Variants in TFAP4 observed in about 807,000 individuals in gnomAD.
TFAP4 encodes transcription factor AP-4, also known as activating enhancer-binding protein 4.
In TFAP4, 7 loss-of-function variants were observed where a neutral mutation model predicts 40.4. The ratio of observed to expected loss-of-function variants is 0.17; its 90% confidence interval spans 0.10 to 0.33. The LOEUF is 0.33. Among genes scored for constraint, TFAP4 ranks in the 10% least tolerant of loss-of-function variants. The pLI, the probability that TFAP4 is intolerant of heterozygous loss-of-function variation, is 1.00. For synonymous variants in TFAP4, 218 were observed against 181.4 expected (o/e 1.20, Z -1.62); for missense variants, 374 against 451.1 (o/e 0.83, Z 1.55).
rs530080750 is a variant in TFAP4 at position 4,272,474 on chromosome 16, T to C, written c.89+184A>G. Among the ~76,000 whole-genome samples the C allele has an allele frequency of 7.1e-4, 108 of 151,658 alleles. No individual in the cohort carries two copies. The East Asian group carries it at 0.019, about 27-fold the overall frequency. ...CCGGGGCCGCTTGGGGCCCCCATGC[T>C]CCAAGGAAGGAGGGTCCCGGGGCGG... On this transcript the variant is annotated intron_variant, in intron 1 of 6. Transcript: ENST00000204517.
chr16:4,272,004 C>T (rs1385445029), intron 1 of TFAP4, among the ~76,000 whole-genome samples: 2 of 151,708 alleles, frequency 1.3e-5, no homozygotes, highest in Non-Finnish European at 2.9e-5. Context: ...AAACAGCGCC[C>T]GGGCGCGGGC....
chr16:4,268,025 A>T (rs2053011353), intron 1 of TFAP4: 1 of 152,352 alleles, frequency 6.6e-6, no homozygotes, highest in African/African-American at 2.4e-5. Context: ...GCTCAAGTGA[A>T]AAAGTCCAGC....
intron 4 of TFAP4, 129 bp downstream of exon 4, chr16:4,261,650 C>T: frequency 8.8e-7 from 1 of 1,139,248 alleles, no homozygotes; most frequent in South Asian, 1.7e-5. Flanking sequence ...CTCCCCACTC[C>T]TAGGCCTGGC....
intron 1 of TFAP4, 47 bp from the exon 2 acceptor site, chr16:4,262,748 C>T (rs779049926): frequency 6.3e-7 from 1 of 1,587,470 alleles, no homozygotes; most frequent in South Asian, 1.1e-5. Context: ...CCCTCTTCAT[C>T]ATTCATCTCC....
chr16:4,258,730 C>A (rs530008391), intron 6 of TFAP4: 1 of 153,334 alleles, frequency 6.5e-6, no homozygotes, highest in South Asian at 2.1e-4. Context: ...AACAAACTTT[C>A]AAAACCCCTC....
intron 4 of TFAP4, 64 bp downstream of exon 4, chr16:4,261,715 G>A (rs2052949944): frequency 1.4e-6 from 2 of 1,473,240 alleles, no homozygotes; most frequent in African/African-American, 2.8e-5. Context: ...AGAGCAAGAG[G>A]CGCGACCCCA....
intron 1 of TFAP4, chr16:4,264,892 A>T (rs2052978868): frequency 6.6e-6 from 1 of 152,110 alleles, no homozygotes; most frequent in Non-Finnish European, 1.5e-5. Context: ...GGTAAGTGCA[A>T]TCTTGAGGCA....
intron 1 of TFAP4, among the ~76,000 whole-genome samples, chr16:4,268,652 C>A (rs528844717): frequency 6.6e-6 from 1 of 152,114 alleles, no homozygotes; most frequent in Non-Finnish European, 1.5e-5. Flanking sequence ...AGTGCAATGG[C>A]ATGATCTCGG....
rs60856578 is a variant in TFAP4, at chr16:4,269,492, CAAAAAAA to C, written c.89+3159_89+3165del. On this transcript the variant is annotated intron_variant, in intron 1 of 6. Coordinates refer to ENST00000204517, the MANE Select transcript of TFAP4 (RefSeq NM_003223.3). Reference sequence around the variant, plus strand: ...TGGGCGACAGAGCGAGACTCTGCCTCAAAAAAAAAAAAAAAAAAAAAAAGATACAGAT... The same window carrying C: ...TGGGCGACAGAGCGAGACTCTGCCTCAAAAAAAAAAAAAAAAGATACAGAT... 8.0e-3 allele frequency among the ~76,000 whole-genome samples: 344 copies of C among 43,222 alleles called. 2 individuals are homozygous for C. The highest frequency in any genetic ancestry group is 0.017 in the Admixed American group (55 of 3,286). The allele number at this position is 43,222 out of a possible 152,430, so 28.4% of individuals were successfully genotyped here. A position where few individuals can be genotyped will look rare whatever the true frequency, so the allele number is the denominator to read the frequency against.
chr16:4,257,462 G>A lies in TFAP4; in HGVS notation c.*593C>T, dbSNP rs2052904024. On this transcript the variant is annotated 3_prime_UTR_variant, in exon 7 of 7. Coordinates refer to ENST00000204517, the MANE Select transcript of TFAP4 (RefSeq NM_003223.3). ...GATGAGACCTGGAGGCAGAGGTGGG[G>A]GCTGGGGGGTGGGAGAGTGGCGAAT... 6.7e-6 allele frequency: 1 copy of A among 150,104 alleles called. No homozygotes were observed. The highest frequency in any genetic ancestry group is 2.5e-5 in the African/African-American group (1 of 40,520). 9.3% of individuals were successfully genotyped at this position (150,104 alleles called of 1,614,324 possible).
In TFAP4 at chr16:4,258,235, G is replaced by T; in HGVS notation, c.837C>A (p.Ile279=). ...LDTIVQAIQH[I]EGTQEKQELE... is the part of the protein sequence containing the mutation. ...GCTCCTGCTTTTCCTGGGTGCCCTC[G>T]ATGTGCTGGATTGCCTGGACAGGGA... The change falls in exon 7 of 7, where the codon ATC becomes ATA. Residue 279 remains isoleucine (I), a synonymous_variant. Transcript: ENST00000204517. 6.3e-7 allele frequency: 1 copy of T among 1,598,806 alleles called. No individual in the cohort carries two copies. Among genetic ancestry groups the T allele is most frequent in the East Asian group, 2.2e-5 (1 of 44,526 alleles).
At position 4,272,833 on chromosome 16, in the gene TFAP4, C is replaced by G. The variant is rs768025023; in HGVS notation, c.-87G>C. On this transcript the variant is annotated 5_prime_UTR_variant, in exon 1 of 7. Transcript: ENST00000204517. ...GGAAATCCGAATCAAAGGGCAGCGC[C>G]GGACGGAGGTGCAGAATCGGCCGGT... 21 of 1,065,254 alleles carry G rather than the reference C, an allele frequency of 2.0e-5. No homozygotes were observed. The Admixed American group carries it at 4.1e-4, about 21-fold the overall frequency. The allele number at this position is 1,065,254 out of a possible 1,614,324, so 66.0% of individuals were successfully genotyped here.
chr16:4,262,009 G>A, intron 3 of TFAP4, 60 bp from the exon 4 acceptor site: 2 of 1,497,316 alleles, frequency 1.3e-6, no homozygotes, highest in African/African-American at 2.8e-5. Context: ...ACGGAGATTG[G>A]GGTTCCATCG....
chr16:4,262,877 G>A (rs1377284859), intron 1 of TFAP4, 176 bp from the exon 2 acceptor site: 6 of 694,368 alleles, frequency 8.6e-6, no homozygotes, highest in Non-Finnish European at 1.2e-5. Flanking sequence ...GCTGGCTGCG[G>A]GTAAGATAGT....
intron 1 of TFAP4, chr16:4,265,270 G>C (rs902534214): frequency 6.6e-6 from 1 of 152,210 alleles, no homozygotes; most frequent in South Asian, 2.1e-4. Context: ...AGCTCTGACC[G>C]GCCCACAGAG....
chr16:4,265,280 G>C (rs889586480), intron 1 of TFAP4: 2 of 152,228 alleles, frequency 1.3e-5, no homozygotes, highest in African/African-American at 4.8e-5. Context: ...GGCCCACAGA[G>C]CCAGATGCCC....
At chr16:4,258,468 C>T (rs2052917533) in intron 6 of TFAP4, 2 of 495,418 alleles carry the variant, frequency 4.0e-6, no homozygotes, top group African/African-American at 2.0e-5. Context: ...GGCTAGAGTG[C>T]AGTGGCATGA....
intron 1 of TFAP4, among the ~76,000 whole-genome samples, chr16:4,271,683 G>T (rs1295899579): frequency 1.3e-5 from 2 of 152,176 alleles, no homozygotes; most frequent in Non-Finnish European, 2.9e-5. Context: ...GACGCTTTCG[G>T]TTTACGGCAG....
chr16:4,268,643 G>A (rs778487489), intron 1 of TFAP4, among the ~76,000 whole-genome samples: 1 of 152,082 alleles, frequency 6.6e-6, no homozygotes, highest in Non-Finnish European at 1.5e-5. Flanking sequence ...CCAAGCTGGA[G>A]TGCAATGGCA....
Sources: gnomAD v4.1 joint callset for allele counts (sites outside exome capture counted in the v4.1 genomes callset) on GRCh38, gnomAD v4.1.1 for gene constraint, MANE v1.5 for transcripts, NCBI Gene and HGNC (gene_info 2026-07-23, HGNC 2026-07-21) for gene names.